Variants in MYH15 observed in about 807,000 individuals in gnomAD.
The protein encoded by MYH15 is myosin-15.
MYH15 carries 227 observed loss-of-function variants against 240.5 expected under a neutral mutation model. That is an observed-to-expected ratio of 0.94 (90% CI 0.85 to 1.05). The LOEUF (loss-of-function observed/expected upper bound fraction) is 1.05. Among genes scored for constraint, MYH15 ranks in the 50% least tolerant of loss-of-function variants. MYH15 has a pLI of 0.00. For missense variants in MYH15, 2,217 were observed against 2,247.5 expected (o/e 0.99, Z 0.27); for synonymous variants, 785 against 796.7 (o/e 0.99, Z 0.25).
At chr3:108,456,398 G>T (rs2083019802) in intron 19 of MYH15, among the ~76,000 whole-genome samples, 1 of 152,090 alleles carries the variant, frequency 6.6e-6, no homozygotes, top group Non-Finnish European at 1.5e-5. Context: ...CACCCTGCTG[G>T]CTTCCTTCCT....
At chr3:108,411,537 G>T (rs1325898102) in intron 30 of MYH15, among the ~76,000 whole-genome samples, 1 of 152,082 alleles carries the variant, frequency 6.6e-6, no homozygotes, top group African/African-American at 2.4e-5. Flanking sequence ...TTCTTATGGG[G>T]TTTTTTAGCC....
At chr3:108,542,156 G>A in the MYH15 span, among the ~76,000 whole-genome samples, 5 of 152,032 alleles carry the variant, frequency 3.3e-5, no homozygotes, top group South Asian at 2.1e-4. Context: ...ATCTTCACAC[G>A]GAAGATAGTT....
chr3:108,478,425 G>A (rs1023038853), intron 11 of MYH15, among the ~76,000 whole-genome samples: 2 of 152,162 alleles, frequency 1.3e-5, no homozygotes, highest in Admixed American at 6.6e-5. Flanking sequence ...CAAAGGTAGA[G>A]CAGACATGCC....
upstream of MYH15, among the ~76,000 whole-genome samples, chr3:108,532,504 T>C (rs80169349): frequency 3.9e-5 from 6 of 152,176 alleles, no homozygotes; most frequent in African/African-American, 1.4e-4. Flanking sequence ...GATCTACTGG[T>C]TCTCACACTG....
At chr3:108,411,595 A>G (rs2107548613) in intron 30 of MYH15, among the ~76,000 whole-genome samples, 1 of 152,306 alleles carries the variant, frequency 6.6e-6, no homozygotes, top group South Asian at 2.1e-4. Context: ...AATTTATTAC[A>G]GTGCTTCTTT....
At chr3:108,455,444 T>C (rs2083010847) in intron 20 of MYH15, among the ~76,000 whole-genome samples, 1 of 152,226 alleles carries the variant, frequency 6.6e-6, no homozygotes, top group Non-Finnish European at 1.5e-5. Flanking sequence ...AGCTCTGATA[T>C]ATACACATTT....
chr3:108,407,447 C>T (rs963670426), intron 32 of MYH15, among the ~76,000 whole-genome samples: 1 of 152,190 alleles, frequency 6.6e-6, no homozygotes, highest in Non-Finnish European at 1.5e-5. Context: ...AGAGGCTGCA[C>T]AGGGCTTCTT....
chr3:108,408,477 G>T, intron 31 of MYH15, 73 bp from the exon 32 acceptor site: 4 of 1,447,626 alleles, frequency 2.8e-6, no homozygotes, highest in Non-Finnish European at 3.7e-6. Flanking sequence ...AGGCACAACA[G>T]ATTCTTCCAG....
At chr3:108,434,195 T>TG (rs1476582635) in intron 25 of MYH15, among the ~76,000 whole-genome samples, 82 of 149,842 alleles carry the variant, frequency 5.5e-4, no homozygotes, top group Non-Finnish European at 1.1e-3. Flanking sequence ...GAATGGTTTT[T>TG]TTTTTTTTTT....
At chr3:108,475,581 C>T (rs772047212) in intron 12 of MYH15, among the ~76,000 whole-genome samples, 7 of 152,084 alleles carry the variant, frequency 4.6e-5, no homozygotes, top group Non-Finnish European at 7.4e-5. Flanking sequence ...CTTGGGAGGC[C>T]GTGTGTCCCA....
intron 21 of MYH15, among the ~76,000 whole-genome samples, chr3:108,448,921 A>C (rs765235098): frequency 1.3e-5 from 2 of 152,014 alleles, no homozygotes; most frequent in Non-Finnish European, 2.9e-5. Flanking sequence ...CAGGATAAAA[A>C]AATCAACATA....
chr3:108,521,096 C>T (rs1424368976), intron 1 of MYH15, among the ~76,000 whole-genome samples: 1 of 151,874 alleles, frequency 6.6e-6, no homozygotes, highest in African/African-American at 2.4e-5. Context: ...TTATCTCATA[C>T]ATCTCATTTG....
At chr3:108,480,448 A>G (rs1315671827) in intron 11 of MYH15, among the ~76,000 whole-genome samples, 1 of 152,216 alleles carries the variant, frequency 6.6e-6, no homozygotes. Context: ...CCGCTATAAC[A>G]TATTAATTAA....
intron 14 of MYH15, among the ~76,000 whole-genome samples, chr3:108,467,102 G>A (rs565111415): frequency 1.3e-5 from 2 of 151,906 alleles, no homozygotes; most frequent in African/African-American, 2.4e-5. Flanking sequence ...GGTAACTAAA[G>A]TGTAGGCCCT....
chr3:108,456,566 T>C (rs1219592639), intron 19 of MYH15, among the ~76,000 whole-genome samples, 200 bp downstream of exon 19: 2 of 152,170 alleles, frequency 1.3e-5, no homozygotes, highest in African/African-American at 4.8e-5. Flanking sequence ...GATTTAAGGA[T>C]ATTACAGTTA....
At chr3:108,400,435 T>C (rs1468555623) in intron 33 of MYH15, among the ~76,000 whole-genome samples, 1 of 152,202 alleles carries the variant, frequency 6.6e-6, no homozygotes, top group African/African-American at 2.4e-5. Context: ...TATTCTTCTT[T>C]CTCATAGAGC....
rs200118280 is a variant in MYH15 at position 108,394,148 on chromosome 3, G to A, written c.5142C>T (p.Ser1714=). 3.8e-5 allele frequency: 61 copies of A among 1,614,006 alleles called. No individual in the cohort carries two copies. In the African/African-American group the frequency reaches 7.3e-4, roughly 19 times the overall value. The part of the protein sequence containing the change: ...RINLFYTQNT[S]LLSQKKKLEA... ...CCAGTTTCTTCTTCTGGCTGAGGAG[G>A]CTTGTGTTCTAAAGAAAAGCAGCAT... Residue 1714 remains serine, a synonymous_variant, in exon 36 of 41, where the codon AGC becomes AGT. Coordinates refer to ENST00000693548, the MANE Select transcript of MYH15 (RefSeq NM_014981.3).
chr3:108,469,330 C>T (rs1390196057), intron 14 of MYH15, among the ~76,000 whole-genome samples: 4 of 152,146 alleles, frequency 2.6e-5, no homozygotes, highest in African/African-American at 4.8e-5. Context: ...ACGATTATGG[C>T]GAGGCCCAAG....
At chr3:108,408,710 G>C (rs1218794093) in intron 31 of MYH15, among the ~76,000 whole-genome samples, 2 of 152,186 alleles carry the variant, frequency 1.3e-5, no homozygotes, top group Non-Finnish European at 2.9e-5. Context: ...AGCCATTCCA[G>C]GTTCCACCTG....
Sources: allele counts gnomAD v4.1 joint callset (sites outside exome capture counted in the v4.1 genomes callset), GRCh38; gene constraint gnomAD v4.1.1; transcripts MANE v1.5; gene names NCBI Gene and HGNC (gene_info 2026-07-23, HGNC 2026-07-21).